The following KCNQ3 variants were observed in gnomAD, a reference collection of about 807,000 sequenced individuals.
KCNQ3 encodes potassium voltage-gated channel subfamily KQT member 3.
In KCNQ3, 30 loss-of-function variants were observed where a neutral mutation model predicts 92.5. That is an observed-to-expected ratio of 0.32 (90% confidence interval 0.24 to 0.44). KCNQ3 has a LOEUF of 0.44. Among genes scored for constraint, KCNQ3 ranks in the 20% least tolerant of loss-of-function variants. The probability of loss-of-function intolerance (pLI) is 1.00; values close to 1 mark genes in which losing one functional copy is unlikely to be tolerated. For missense variants in KCNQ3, 913 were observed against 1,140.3 expected, an observed-to-expected ratio of 0.80 and a Z score of 2.87; for synonymous variants, 450 against 468.8, an observed-to-expected ratio of 0.96 and a Z score of 0.52.
chr8:132,475,154 A>C (rs1323748697), intron 1 of KCNQ3, among the ~76,000 whole-genome samples: 1 of 152,224 alleles, frequency 6.6e-6, no homozygotes, highest in African/African-American at 2.4e-5. Context: ...CAGAACTGTG[A>C]GTCAACTAAA....
chr8:132,163,345 G>T, intron 9 of KCNQ3, 123 bp downstream of exon 9: 1 of 833,810 alleles, frequency 1.2e-6, no homozygotes, highest in Non-Finnish European at 2.1e-6. Flanking sequence ...CAGCAACAGT[G>T]TGACCCCAAA....
intron 1 of KCNQ3, among the ~76,000 whole-genome samples, chr8:132,417,638 C>T (rs7011409): frequency 0.017 from 2,624 of 152,270 alleles, 72 homozygotes; most frequent in African/African-American, 0.059. Context: ...AGCAGCAAGA[C>T]GGTCATCTGA....
intron 8 of KCNQ3, among the ~76,000 whole-genome samples, chr8:132,165,707 G>A (rs1401601474): frequency 6.6e-6 from 1 of 152,100 alleles, no homozygotes; most frequent in East Asian, 1.9e-4. Context: ...TTTCTTCCCA[G>A]AGATACAATG....
chr8:132,291,803 T>A (rs1022614175), intron 1 of KCNQ3, among the ~76,000 whole-genome samples: 1 of 152,160 alleles, frequency 6.6e-6, no homozygotes, highest in Non-Finnish European at 1.5e-5. Flanking sequence ...GATGAGAACC[T>A]TATGGGACAA....
intron 1 of KCNQ3, among the ~76,000 whole-genome samples, chr8:132,467,230 T>A (rs1440135326): frequency 6.6e-6 from 1 of 152,064 alleles, no homozygotes; most frequent in Non-Finnish European, 1.5e-5. Context: ...CCCTGGGCTC[T>A]CAGCCACACC....
intron 1 of KCNQ3, among the ~76,000 whole-genome samples, chr8:132,288,220 C>T (rs955347068): frequency 6.6e-6 from 1 of 152,152 alleles, no homozygotes; most frequent in Admixed American, 6.5e-5. Flanking sequence ...ATACATATTG[C>T]AAAGTTATTC....
chr8:132,329,327 C>T (rs1818162320), intron 1 of KCNQ3, among the ~76,000 whole-genome samples: 1 of 152,186 alleles, frequency 6.6e-6, no homozygotes, highest in African/African-American at 2.4e-5. Flanking sequence ...TGCTGCAACC[C>T]AGGTAACGAG....
At chr8:132,413,840 C>T (rs1040555588) in intron 1 of KCNQ3, among the ~76,000 whole-genome samples, 4 of 152,222 alleles carry the variant, frequency 2.6e-5, no homozygotes, top group African/African-American at 7.2e-5. Context: ...GTCTGTGTCA[C>T]GCTGTCTGCA....
intron 1 of KCNQ3, among the ~76,000 whole-genome samples, chr8:132,228,069 T>C (rs1163682007): frequency 6.6e-6 from 1 of 152,214 alleles, no homozygotes; most frequent in Non-Finnish European, 1.5e-5. Context: ...TGAAAAGTCC[T>C]TTGCTCATGC....
chr8:132,222,795 A>G (rs535137475), intron 1 of KCNQ3, among the ~76,000 whole-genome samples: 73 of 152,380 alleles, frequency 4.8e-4, no homozygotes, highest in African/African-American at 1.7e-3. Flanking sequence ...ATGCAAGGGC[A>G]CATTTAGTAG....
intron 1 of KCNQ3, among the ~76,000 whole-genome samples, chr8:132,187,906 G>GGTGGTAGTGATAGTGA (rs1563795983): frequency 5.5e-5 from 5 of 90,184 alleles, no homozygotes; most frequent in African/African-American, 2.9e-4. Flanking sequence ...GGTGGTGATG[G>GGTGGTAGTGATAGTGA]TGGTGGTGGT....
chr8:132,259,429 A>G (rs1815699361), intron 1 of KCNQ3, among the ~76,000 whole-genome samples: 1 of 152,146 alleles, frequency 6.6e-6, no homozygotes, highest in East Asian at 1.9e-4. Flanking sequence ...AAATAGAAAA[A>G]GCACTGACAA....
chr8:132,375,972 C>T (rs2130746154), intron 1 of KCNQ3, among the ~76,000 whole-genome samples: 1 of 152,324 alleles, frequency 6.6e-6, no homozygotes, highest in East Asian at 1.9e-4. Flanking sequence ...TGACTTTCAG[C>T]TCCTTGAGGG....
intron 1 of KCNQ3, among the ~76,000 whole-genome samples, chr8:132,379,171 C>T (rs1819681644): frequency 6.6e-6 from 1 of 152,210 alleles, no homozygotes; most frequent in Non-Finnish European, 1.5e-5. Flanking sequence ...CTTCTCTACA[C>T]ATCAATGAAC....
chr8:132,345,506 C>T (rs1255149091), intron 1 of KCNQ3, among the ~76,000 whole-genome samples: 1 of 152,206 alleles, frequency 6.6e-6, no homozygotes, highest in Non-Finnish European at 1.5e-5. Context: ...ACAGCCACCA[C>T]ACAAATAATT....
intron 1 of KCNQ3, among the ~76,000 whole-genome samples, chr8:132,383,864 A>G (rs573723133): frequency 1.3e-5 from 2 of 152,310 alleles, no homozygotes; most frequent in African/African-American, 4.8e-5. Context: ...CTGGCTGTGT[A>G]ACTTTGGCAA....
intron 1 of KCNQ3, among the ~76,000 whole-genome samples, chr8:132,271,045 G>A (rs1816132188): frequency 6.6e-6 from 1 of 152,208 alleles, no homozygotes; most frequent in South Asian, 2.1e-4. Flanking sequence ...CAGCAAGCAT[G>A]TATTGTGCCC....
At chr8:132,214,751 G>A (rs1813970597) in intron 1 of KCNQ3, among the ~76,000 whole-genome samples, 1 of 152,252 alleles carries the variant, frequency 6.6e-6, no homozygotes, top group Admixed American at 6.5e-5. Context: ...CTGCCAGGCT[G>A]GGTAATCAAC....
chr8:132,301,613 C>T (rs531764724), intron 1 of KCNQ3, among the ~76,000 whole-genome samples: 1 of 152,202 alleles, frequency 6.6e-6, no homozygotes, highest in Non-Finnish European at 1.5e-5. Context: ...AATACTGAAC[C>T]AAGGTCTTGC....
Sources: allele counts gnomAD v4.1 joint callset (sites outside exome capture counted in the v4.1 genomes callset), GRCh38; gene constraint gnomAD v4.1.1; transcripts MANE v1.5; gene names NCBI Gene and HGNC (gene_info 2026-07-23, HGNC 2026-07-21).